TRRAP: variants seen among roughly 807,000 people sequenced by gnomAD.
TRRAP encodes transformation/transcription domain-associated protein.
TRRAP carries 41 observed loss-of-function variants against 438.8 expected under a neutral mutation model. The ratio of observed to expected loss-of-function variants is 0.09; its 90% CI spans 0.07 to 0.12. TRRAP has a LOEUF of 0.12. Ranked by LOEUF, TRRAP falls within the 10% of genes least tolerant of loss-of-function variation. The pLI, the probability that TRRAP is intolerant of heterozygous loss-of-function variation, is 1.00. For synonymous variants in TRRAP, 1,994 were observed against 1,962.9 expected, an observed-to-expected ratio of 1.02 and a Z score of -0.42; for missense variants, 3,122 against 5,055.1, an observed-to-expected ratio of 0.62 and a Z score of 11.60.
chr7:98,943,044 G>A, intron 31 of TRRAP, 27 bp downstream of exon 31: 1 of 1,613,458 alleles, frequency 6.2e-7, no homozygotes, highest in Non-Finnish European at 8.5e-7. Context: ...TTTCTGGGAA[G>A]GGCACCAGCC....
chr7:98,962,370 T>C lies in TRRAP; in HGVS notation c.6772T>C (p.Tyr2258His). 6 of 1,614,218 alleles carry C rather than the reference T, an allele frequency of 3.7e-6. No individual in the cohort carries two copies. The highest frequency in any genetic ancestry group is 5.1e-6 in the Non-Finnish European group (6 of 1,180,038). The change falls in exon 47 of 73, where the codon TAT becomes CAT. Residue 2258 changes from tyrosine to histidine, a missense_variant. Tyr to His is a moderately conservative substitution (Grantham distance 83, BLOSUM62 2). Coordinates refer to ENST00000456197, the MANE Select transcript of TRRAP (RefSeq NM_001375524.1). The stretch of plus-strand genomic sequence containing the variant: ...CTACGCAGCCGTCGGAAAGGTCATC[T>C]ATGAAGGGCTCACCAACTACGAGAA... ...CLYAAVGKVI[Y>H]EGLTNYEKAT... is the part of the protein sequence containing the mutation.
intron 27 of TRRAP, 75 bp downstream of exon 27, chr7:98,933,477 C>T: frequency 6.5e-7 from 1 of 1,527,534 alleles, no homozygotes; most frequent in Non-Finnish European, 8.8e-7. Flanking sequence ...TACGCGAAGA[C>T]TGGTCAGGCA....
chr7:98,935,800 T>C (rs1554414125), intron 28 of TRRAP, 125 bp downstream of exon 28: 1 of 623,694 alleles, frequency 1.6e-6, no homozygotes, highest in African/African-American at 1.8e-5. Flanking sequence ...CTTTTTAAGA[T>C]GGGATCAAAA....
At chr7:98,990,718 A>G in intron 64 of TRRAP, 99 bp downstream of exon 64, 1 of 1,362,032 alleles carries the variant, frequency 7.3e-7, no homozygotes, top group Non-Finnish European at 9.9e-7. Flanking sequence ...TGTTCAAAGT[A>G]TTAAAAACAA....
Position 98,970,137 on chromosome 7 carries a change from G to C in TRRAP, c.7538G>C (p.Ser2513Thr), listed in dbSNP as rs373245645. 10 of 1,613,826 alleles carry C rather than the reference G, an allele frequency of 6.2e-6. No individual in the cohort carries two copies. The African/African-American group carries it at 1.1e-4, about 17-fold the overall frequency. ...CTGCTTCTGGCCGTGTGTGAGAAGA[G>C]CACCCCCATTGGCACCAGCTGCCAA... is the stretch of plus-strand genomic sequence containing the variant. ...IELLLAVCEKSTPIGTSCQGA... is the reference protein window; with the variant it reads ...IELLLAVCEKTTPIGTSCQGA... The change falls in exon 52 of 73, where the codon AGC (serine) becomes ACC (threonine). Residue 2513 changes from serine to threonine, a missense_variant. Physicochemically the swap from Ser to Thr is moderately conservative, Grantham distance 58. Transcript: ENST00000456197.
intron 56 of TRRAP, among the ~76,000 whole-genome samples, chr7:98,977,377 G>T (rs1260784803): frequency 3.3e-5 from 5 of 152,138 alleles, no homozygotes; most frequent in African/African-American, 1.2e-4. Flanking sequence ...GGCCGTGCTG[G>T]TCTCGAACTC....
At chr7:98,963,537 G>A (rs568575987) in intron 47 of TRRAP, among the ~76,000 whole-genome samples, 7 of 152,298 alleles carry the variant, frequency 4.6e-5, no homozygotes, top group African/African-American at 9.6e-5. Flanking sequence ...TGGCCACACC[G>A]TCGTCCCCAT....
chr7:98,882,109 A>G (rs1554403201), intron 3 of TRRAP, 85 bp downstream of exon 3: 4 of 1,108,078 alleles, frequency 3.6e-6, no homozygotes, highest in East Asian at 2.4e-5. Context: ...TCTTTTTACT[A>G]GCAACTCAAA....
intron 18 of TRRAP, among the ~76,000 whole-genome samples, chr7:98,914,058 ATTAC>A (rs1167661649): frequency 6.6e-6 from 1 of 152,148 alleles, no homozygotes; most frequent in African/African-American, 2.4e-5. Context: ...TTCTATAGTA[ATTAC>A]TTATCAACAA....
Position 98,988,843 on chromosome 7 carries a change from C to T in TRRAP, c.9468C>T (p.Gly3156=), listed in dbSNP as rs760408448. Residue 3156 remains glycine (G), a synonymous_variant, in exon 63 of 73, where the codon GGC becomes GGT. Transcript: ENST00000456197. ...DVLVKAWAMW[G]DYLENIFVKE... ...TGGTGAAAGCCTGGGCCATGTGGGG[C>T]GACTACCTGGAGAACATCTTTGTGA... 42 of 1,614,046 alleles carry T rather than the reference C, an allele frequency of 2.6e-5. No individual in the cohort carries two copies. The highest frequency in any genetic ancestry group is 2.1e-4 in the South Asian group (19 of 91,086).
Position 98,981,974 on chromosome 7 carries a change from C to T in TRRAP, c.8826+14C>T. 6.4e-7 allele frequency: 1 copy of T among 1,556,636 alleles called. No individual in the cohort carries two copies. On this transcript the variant is annotated intron_variant, in intron 59 of 72. Transcript: ENST00000456197. The stretch of plus-strand genomic sequence containing the variant: ...CCTCTCCTACAGGTGCGTGCGGTGC[C>T]CCCATGCGAGCACAGGCCTGTGGCC...
chr7:98,997,454 C>T (rs1793717991), intron 67 of TRRAP, among the ~76,000 whole-genome samples: 1 of 99,404 alleles, frequency 1.0e-5, no homozygotes, highest in Admixed American at 1.4e-4. Flanking sequence ...GGTATCAGTC[C>T]AAAATTATCA....
chr7:98,946,764 G>GGGGATGAT (rs1333994558), intron 33 of TRRAP, among the ~76,000 whole-genome samples: 1 of 152,224 alleles, frequency 6.6e-6, no homozygotes, highest in African/African-American at 2.4e-5. Context: ...TGTGTAAAAT[G>GGGGATGAT]GGGATGATGG....
intron 22 of TRRAP, among the ~76,000 whole-genome samples, chr7:98,925,972 C>G (rs1400440263): frequency 1.3e-5 from 2 of 152,132 alleles, no homozygotes; most frequent in Non-Finnish European, 2.9e-5. Context: ...TTAGGATTAT[C>G]AGAACTAGGT....
intron 56 of TRRAP, among the ~76,000 whole-genome samples, chr7:98,977,290 T>G (rs1012363747): frequency 6.6e-6 from 1 of 152,176 alleles, no homozygotes; most frequent in Admixed American, 6.5e-5. Context: ...GCCTCCCAAG[T>G]AGCTGGGATT....
chr7:98,899,613 G>A (rs911831696), intron 9 of TRRAP, 66 bp from the exon 10 acceptor site: 8 of 1,605,600 alleles, frequency 5.0e-6, no homozygotes, highest in Non-Finnish European at 6.8e-6. Context: ...ATGATTCTTC[G>A]GTATGCCAGA....
Position 98,976,730 on chromosome 7 carries a change from CG to C in TRRAP, c.8209del (p.Glu2737SerfsTer102). ...LSLQIKPKQT[T>X]EFYEQESITP... is the part of the protein sequence containing the mutation. ...CTTCAGATTAAGCCGAAGCAAACAA[CG>C]GAGTTTTATGAGCAGGAGAGCATCA... On this transcript the variant is annotated frameshift_variant, in exon 55 of 73. Transcript: ENST00000456197. LOFTEE classifies it high-confidence loss of function. This position sits in a 1 kb window ranked among gnomAD's most constrained non-coding sequence, Gnocchi z 4.6. 1 of 1,613,976 alleles carries C rather than the reference CG, an allele frequency of 6.2e-7. No homozygotes were observed. Among genetic ancestry groups the C allele is most frequent in the Non-Finnish European group, 8.5e-7 (1 of 1,180,030 alleles).
Position 98,885,385 on chromosome 7 carries a change from A to G in TRRAP, c.150+3361A>G, listed in dbSNP as rs79126046. ...GTGTAACCCGCTGTGCCCAGCCAACATTTCTTTTTTTTAATATGAGGATAA... is the reference window on the plus strand; with the variant it reads ...GTGTAACCCGCTGTGCCCAGCCAACGTTTCTTTTTTTTAATATGAGGATAA... On this transcript the variant is annotated intron_variant, in intron 3 of 72. Coordinates refer to ENST00000456197, the MANE Select transcript of TRRAP (RefSeq NM_001375524.1). Among the ~76,000 whole-genome samples, 403 of 152,040 alleles carry G rather than the reference A, an allele frequency of 2.7e-3. 2 individuals are homozygous for G. Among genetic ancestry groups the G allele is most frequent in the African/African-American group, 9.5e-3 (394 of 41,490 alleles).
intron 12 of TRRAP, among the ~76,000 whole-genome samples, chr7:98,903,907 G>A (rs570903548): frequency 5.3e-5 from 8 of 151,990 alleles, no homozygotes; most frequent in East Asian, 2.0e-4. Flanking sequence ...GATCTTAGCC[G>A]GGCACGGTTC....
Sources: gnomAD v4.1 joint callset for allele counts (sites outside exome capture counted in the v4.1 genomes callset) on GRCh38, gnomAD v4.1.1 for gene constraint, Gnocchi (gnomAD v3.1) non-coding constraint, MANE v1.5 for transcripts, NCBI Gene and HGNC (gene_info 2026-07-23, HGNC 2026-07-21) for gene names.